The following TRHDE variants were observed in gnomAD, a reference collection of about 807,000 sequenced individuals.
TRHDE encodes the protein thyrotropin releasing hormone degrading enzyme, also known as thyrotropin-releasing hormone-degrading ectoenzyme.
TRHDE carries 72 observed loss-of-function variants against 125.7 expected under a neutral mutation model. The observed-to-expected ratio is 0.57, with a 90% confidence interval of 0.47 to 0.70. The LOEUF (loss-of-function observed/expected upper bound fraction) is 0.70. TRHDE is among the 30% of genes least tolerant of loss of function. The probability of loss-of-function intolerance (pLI) is 0.00; values close to 1 mark genes in which losing one functional copy is unlikely to be tolerated. For synonymous variants in TRHDE, 509 were observed against 509.1 expected (o/e 1.00, Z 0.00); for missense variants, 1,110 against 1,327.1 (o/e 0.84, Z 2.54).
At chr12:72,398,168 C>CT (rs1364906955) in intron 3 of TRHDE, among the ~76,000 whole-genome samples, 4 of 151,806 alleles carry the variant, frequency 2.6e-5, no homozygotes, top group Non-Finnish European at 4.4e-5. Context: ...TGAACTCATC[C>CT]TTTTTTATGG....
intron 6 of TRHDE, among the ~76,000 whole-genome samples, chr12:72,540,453 A>G (rs1242950216): frequency 6.6e-6 from 1 of 151,722 alleles, no homozygotes; most frequent in Non-Finnish European, 1.5e-5. Context: ...ATGCTAGATT[A>G]ATAGTTTTTA....
rs112611308 is a variant in TRHDE, at chr12:72,669,308, C to G, written c.*6113C>G. On this transcript the variant is annotated 3_prime_UTR_variant, in exon 19 of 19. Coordinates refer to ENST00000261180, the MANE Select transcript of TRHDE (RefSeq NM_013381.3). ...CTCTGTCATTCTGCTTAGAAGTATA[C>G]ATGGACTGCAATTGCTTAATTTACT... 360 of 151,928 alleles carry G rather than the reference C, an allele frequency of 2.4e-3. 3 individuals are homozygous for G. Among genetic ancestry groups the G allele is most frequent in the African/African-American group, 8.2e-3 (339 of 41,518 alleles). The allele number at this position is 151,928 out of a possible 1,614,324, so 9.4% of individuals were successfully genotyped here. A position where few individuals can be genotyped will look rare whatever the true frequency, so the allele number is the denominator to read the frequency against.
At chr12:72,611,095 A>T in intron 12 of TRHDE, 1 of 171,358 alleles carries the variant, frequency 5.8e-6, no homozygotes, top group Non-Finnish European at 1.3e-5. Context: ...AGACTGGAGG[A>T]GAGGAGCTGA....
intron 2 of TRHDE, among the ~76,000 whole-genome samples, chr12:72,250,859 TATA>T: frequency 6.9e-6 from 1 of 145,854 alleles, no homozygotes; most frequent in Non-Finnish European, 1.5e-5. Flanking sequence ...TATATATATA[TATA>T]TTTTATTTTT....
intron 5 of TRHDE, among the ~76,000 whole-genome samples, chr12:72,491,324 A>G (rs571641385): frequency 1.7e-4 from 26 of 151,960 alleles, no homozygotes; most frequent in Non-Finnish European, 3.2e-4. Flanking sequence ...TATTACTGTG[A>G]TTGACATTAT....
At position 72,161,393 on chromosome 12, in the gene TRHDE, A is replaced by G. The variant is rs919878367; in HGVS notation, n.279+55641A>G. Among the ~76,000 whole-genome samples, 10 of 150,792 alleles carry G rather than the reference A, an allele frequency of 6.6e-5. No homozygotes were observed. In the Admixed American group the frequency reaches 6.7e-4, roughly 10 times the overall value. ...AGTTGCAGTGAACTGAGATCTCGCC[A>G]CTGCACTCCAGCCTGGCGACAGAGC... On this transcript the variant is annotated intron_variant and non_coding_transcript_variant, in intron 2 of 4. Coordinates refer to the TRHDE transcript ENST00000548156.
At position 72,656,937 on chromosome 12, in the gene TRHDE, G is replaced by A. The variant is rs751765904; in HGVS notation, c.2995G>A (p.Ala999Thr). The change falls in exon 18 of 19, where the codon GCA becomes ACA. Residue 999 changes from alanine (A) to threonine (T), a missense_variant. Ala to Thr is a moderately conservative substitution (Grantham distance 58). Around this residue, in one of 5 missense-constraint regions of TRHDE, gnomAD observed 527 missense variants for 651.8 expected, o/e 0.81. Coordinates refer to ENST00000261180, the MANE Select transcript of TRHDE (RefSeq NM_013381.3). ...TTTTTTTCTTTTGAGGTATGGAGAA[G>A]CATTGTTTATGAATTCCAAACTCAT... Reference protein sequence around the residue: ...WKILNTRYGEALFMNSKLISG... With the variant: ...WKILNTRYGETLFMNSKLISG... 1.2e-6 allele frequency: 2 copies of A among 1,607,860 alleles called. No homozygotes were observed. The highest frequency in any genetic ancestry group is 2.7e-5 in the African/African-American group (2 of 74,652).
intron 15 of TRHDE, among the ~76,000 whole-genome samples, chr12:72,647,081 A>C (rs772965817): frequency 2.0e-5 from 3 of 152,064 alleles, no homozygotes; most frequent in Admixed American, 6.6e-5. Flanking sequence ...GTCATAAAAC[A>C]AGTCTTAACA....
chr12:72,091,261 A>C (rs1388328106), intron 1 of TRHDE, among the ~76,000 whole-genome samples: 1 of 152,128 alleles, frequency 6.6e-6, no homozygotes, highest in Non-Finnish European at 1.5e-5. Flanking sequence ...GAGTGTAATA[A>C]AAGCTGTAGA....
At chr12:72,163,663 C>G (rs538572153) in intron 2 of TRHDE, among the ~76,000 whole-genome samples, 1 of 152,116 alleles carries the variant, frequency 6.6e-6, no homozygotes, top group African/African-American at 2.4e-5. Flanking sequence ...TATGTTTGTT[C>G]TGATAACTGA....
At chr12:72,447,810 T>G (rs1875372983) in intron 3 of TRHDE, among the ~76,000 whole-genome samples, 1 of 152,042 alleles carries the variant, frequency 6.6e-6, no homozygotes, top group Non-Finnish European at 1.5e-5. Flanking sequence ...GGCATCAGTA[T>G]TTCTAAAAGG....
In TRHDE at chr12:72,368,276, A is replaced by G. The variant is rs1281138135; in HGVS notation, c.1189-9719A>G. ...TAAACTTAAAAAGTCTGTAAGGTAC[A>G]TTAAGTTATTAGAAGAAAGTCTCTA... On this transcript the variant is annotated intron_variant, in intron 2 of 18. Transcript: ENST00000261180. Among the ~76,000 whole-genome samples, 4 of 152,322 alleles carry G rather than the reference A, an allele frequency of 2.6e-5. No homozygotes were observed. In the East Asian group the frequency reaches 7.7e-4, roughly 29 times the overall value.
chr12:72,294,210 G>C (rs866758450), intron 2 of TRHDE, among the ~76,000 whole-genome samples: 1 of 152,190 alleles, frequency 6.6e-6, no homozygotes, highest in African/African-American at 2.4e-5. Context: ...AGCCCTGTTT[G>C]TGCGACAGTT....
At chr12:72,485,992 G>A (rs1877389408) in intron 5 of TRHDE, among the ~76,000 whole-genome samples, 1 of 152,116 alleles carries the variant, frequency 6.6e-6, no homozygotes, top group Non-Finnish European at 1.5e-5. Context: ...ACCTCTCAGG[G>A]TCTACAGTCA....
At chr12:72,637,869 T>C (rs1295589410) in intron 15 of TRHDE, among the ~76,000 whole-genome samples, 4 of 151,740 alleles carry the variant, frequency 2.6e-5, no homozygotes, top group Non-Finnish European at 5.9e-5. Context: ...GTCTGAGAGA[T>C]AGTTTGTTAT....
At chr12:72,488,195 T>G (rs1223890609) in intron 5 of TRHDE, among the ~76,000 whole-genome samples, 1 of 152,058 alleles carries the variant, frequency 6.6e-6, no homozygotes, top group Admixed American at 6.6e-5. Context: ...ATGGCTTAAA[T>G]TATTTAATCA....
chr12:72,410,981 A>T (rs1347055118), intron 3 of TRHDE, among the ~76,000 whole-genome samples: 3 of 152,188 alleles, frequency 2.0e-5, no homozygotes, highest in South Asian at 4.1e-4. Context: ...TCACGAGGTC[A>T]GGAGATTGAG....
chr12:72,098,819 AG>A (rs1365189320), intron 1 of TRHDE, among the ~76,000 whole-genome samples: 3 of 152,200 alleles, frequency 2.0e-5, no homozygotes, highest in Admixed American at 6.5e-5. Flanking sequence ...GAATAAGCCC[AG>A]GCAAAACTAG....
chr12:72,449,740 ACAGT>A (rs1386628174), intron 3 of TRHDE, among the ~76,000 whole-genome samples: 1 of 152,044 alleles, frequency 6.6e-6, no homozygotes, highest in Non-Finnish European at 1.5e-5. Context: ...GGATTTAAAG[ACAGT>A]CATGGTGTTA....
Sources: allele counts gnomAD v4.1 joint callset (sites outside exome capture counted in the v4.1 genomes callset), GRCh38; gene constraint gnomAD v4.1.1; regional missense constraint gnomAD v4.1.1; transcripts MANE v1.5; gene names NCBI Gene and HGNC (gene_info 2026-07-23, HGNC 2026-07-21).